Variants in TOX3 observed in about 807,000 individuals in gnomAD.
TOX3 encodes the protein TOX high mobility group box family member 3.
Under a neutral mutation model 64.3 loss-of-function variants are expected in TOX3, and 22 were observed. The observed-to-expected ratio is 0.34, with a 90% confidence interval of 0.24 to 0.49. The LOEUF (loss-of-function observed/expected upper bound fraction) is 0.49. TOX3 is among the 20% of genes least tolerant of loss of function. The pLI, the probability that TOX3 is intolerant of heterozygous loss-of-function variation, is 0.99. For missense variants in TOX3, 661 were observed against 714.4 expected, an observed-to-expected ratio of 0.93 and a Z score of 0.85; for synonymous variants, 291 against 273.6, an observed-to-expected ratio of 1.06 and a Z score of -0.63.
chr16:52,546,727 G>C lies in TOX3; in HGVS notation c.-4C>G, dbSNP rs1369694386. 8.6e-6 allele frequency: 13 copies of C among 1,513,142 alleles called. No homozygotes were observed. Among genetic ancestry groups the C allele is most frequent in the Non-Finnish European group, 1.1e-5 (13 of 1,135,544 alleles). The allele number at this position is 1,513,142 out of a possible 1,614,324, so 93.7% of individuals were successfully genotyped here. On this transcript the variant is annotated 5_prime_UTR_variant, in exon 1 of 7. Coordinates refer to ENST00000219746, the MANE Select transcript of TOX3 (RefSeq NM_001080430.4). Reference sequence around the variant, plus strand: ...CGGGGTAGAACCTCACATCCATGCCGAAGCTGGGCCCGGGGCCGGGGGCCG... The same window carrying C: ...CGGGGTAGAACCTCACATCCATGCCCAAGCTGGGCCCGGGGCCGGGGGCCG...
At chr16:52,508,745 T>C (rs1001066310) in intron 1 of TOX3, among the ~76,000 whole-genome samples, 8 of 152,094 alleles carry the variant, frequency 5.3e-5, no homozygotes, top group African/African-American at 1.9e-4. Flanking sequence ...CAGAGAGAAC[T>C]TCAAAATTAT....
chr16:52,519,642 C>T, intron 1 of TOX3: 1 of 1,374,178 alleles, frequency 7.3e-7, no homozygotes, highest in South Asian at 1.7e-5. Context: ...ACTGAGAAGA[C>T]ATCACTTCTT....
chr16:52,493,263 G>A (rs759248599), intron 1 of TOX3, among the ~76,000 whole-genome samples: 14 of 152,104 alleles, frequency 9.2e-5, no homozygotes, highest in Non-Finnish European at 2.1e-4. Context: ...CCTTGGACAC[G>A]CATATACCTA....
chr16:52,525,478 G>A (rs563165276), intron 1 of TOX3, among the ~76,000 whole-genome samples: 1 of 152,312 alleles, frequency 6.6e-6, no homozygotes, highest in African/African-American at 2.4e-5. Flanking sequence ...TCTATACTCA[G>A]AGGGCAAACG....
chr16:52,521,824 G>A (rs1019238149), intron 1 of TOX3, among the ~76,000 whole-genome samples: 5 of 152,086 alleles, frequency 3.3e-5, no homozygotes, highest in Admixed American at 6.6e-5. Flanking sequence ...GGTGTGGAGC[G>A]GCAACATGGA....
intron 1 of TOX3, 96 bp downstream of exon 1, chr16:52,546,540 CA>C: frequency 8.7e-7 from 1 of 1,143,782 alleles, no homozygotes; most frequent in Non-Finnish European, 1.2e-6. Flanking sequence ...GGAAAGAGGC[CA>C]AAGAAAAGTG....
rs185403235 is a variant in TOX3 at position 52,500,977 on chromosome 16, T to C, written c.88-32403A>G. ...TAAGTGCTAAATAAGTAGTCTCCAA[T>C]TATTTTTTACTAGACACCTCTACTA... is the stretch of plus-strand genomic sequence containing the variant. On this transcript the variant is annotated intron_variant, in intron 1 of 6. Coordinates refer to ENST00000219746, the MANE Select transcript of TOX3 (RefSeq NM_001080430.4). 1.2e-3 allele frequency among the ~76,000 whole-genome samples: 190 copies of C among 152,338 alleles called. 5 individuals carry two copies. Among genetic ancestry groups the C allele is most frequent in the Non-Finnish European group, 2.2e-4 (15 of 68,024 alleles).
At chr16:52,456,530 C>A (rs371349079) in intron 3 of TOX3, among the ~76,000 whole-genome samples, 1 of 152,106 alleles carries the variant, frequency 6.6e-6, no homozygotes, top group Non-Finnish European at 1.5e-5. Context: ...GAGTGCCTGG[C>A]GGAGGCTCGC....
At position 52,521,845 on chromosome 16, in the gene TOX3, G is replaced by A. The variant is rs953097866; in HGVS notation, c.87+24792C>T. On this transcript the variant is annotated intron_variant, in intron 1 of 6. Transcript: ENST00000219746. ...GAGCGGCAACATGGATTCTAACAAG[G>A]CGTTCAGGTGACTCTCATGCTCAGT... 1.2e-4 allele frequency among the ~76,000 whole-genome samples: 18 copies of A among 152,172 alleles called. 1 individual carries two copies. Among genetic ancestry groups the A allele is most frequent in the African/African-American group, 4.3e-4 (18 of 41,450 alleles).
At chr16:52,441,898 G>T (rs1174768192) in intron 6 of TOX3, among the ~76,000 whole-genome samples, 1 of 152,106 alleles carries the variant, frequency 6.6e-6, no homozygotes, top group Non-Finnish European at 1.5e-5. Context: ...AGGTCTTAGG[G>T]TAAGAAGCAG....
chr16:52,498,471 A>G (rs1356653560), intron 1 of TOX3, among the ~76,000 whole-genome samples: 2 of 152,168 alleles, frequency 1.3e-5, no homozygotes, highest in African/African-American at 4.8e-5. Flanking sequence ...CTTGCAGCAA[A>G]CTGGGCTGGG....
chr16:52,446,759 T>G (rs1960176382), intron 4 of TOX3, among the ~76,000 whole-genome samples: 1 of 152,170 alleles, frequency 6.6e-6, no homozygotes, highest in South Asian at 2.1e-4. Context: ...AAATGGAAGT[T>G]AGCTCCAATT....
intron 1 of TOX3, among the ~76,000 whole-genome samples, chr16:52,521,526 A>G (rs1962608661): frequency 6.6e-6 from 1 of 152,194 alleles, no homozygotes; most frequent in African/African-American, 2.4e-5. Flanking sequence ...ATTTTACTTT[A>G]TGCCCCTTAA....
intron 1 of TOX3, among the ~76,000 whole-genome samples, chr16:52,526,811 C>A (rs556323653): frequency 6.6e-6 from 1 of 152,222 alleles, no homozygotes; most frequent in African/African-American, 2.4e-5. Flanking sequence ...GGAATGTGTT[C>A]TTTTAAACAA....
intron 1 of TOX3, among the ~76,000 whole-genome samples, chr16:52,484,337 C>T (rs367864549): frequency 6.6e-6 from 1 of 152,112 alleles, no homozygotes; most frequent in East Asian, 1.9e-4. Context: ...AAACATGATT[C>T]AAAACCATAT....
chr16:52,466,845 C>T (rs892099517), intron 2 of TOX3, among the ~76,000 whole-genome samples: 3 of 151,902 alleles, frequency 2.0e-5, no homozygotes, highest in South Asian at 2.1e-4. Flanking sequence ...ATTAAGCTTT[C>T]CTTAGAGAAA....
chr16:52,475,031 T>A (rs1961168076), intron 1 of TOX3, among the ~76,000 whole-genome samples: 1 of 152,128 alleles, frequency 6.6e-6, no homozygotes, highest in South Asian at 2.1e-4. Context: ...CAGGGTTCGT[T>A]CACTCCCTGC....
chr16:52,544,335 T>C (rs1963131536), intron 1 of TOX3, among the ~76,000 whole-genome samples: 1 of 152,242 alleles, frequency 6.6e-6, no homozygotes, highest in South Asian at 2.1e-4. Context: ...TTCTACTATA[T>C]TCTCTGTAAA....
At chr16:52,505,975 C>CA (rs111363095) in intron 1 of TOX3, among the ~76,000 whole-genome samples, 91 of 151,828 alleles carry the variant, frequency 6.0e-4, no homozygotes, top group African/African-American at 2.1e-3. Context: ...GACCCTGTCT[C>CA]AAAAAAAGAA....
Sources: allele counts gnomAD v4.1 joint callset (sites outside exome capture counted in the v4.1 genomes callset), GRCh38; gene constraint gnomAD v4.1.1; transcripts MANE v1.5; gene names NCBI Gene and HGNC (gene_info 2026-07-23, HGNC 2026-07-21).